The following LRRN2 variants were observed in gnomAD, a reference collection of about 807,000 sequenced individuals.
LRRN2 encodes leucine-rich repeat neuronal protein 2.
A neutral mutation model predicts 35.7 loss-of-function variants in LRRN2; 10 were observed. The observed-to-expected ratio is 0.28, with a 90% CI of 0.17 to 0.47. The LOEUF is 0.47. LRRN2 is among the 20% of genes least tolerant of loss of function. The pLI is 0.99. For synonymous variants in LRRN2, 391 were observed against 409.6 expected, an observed-to-expected ratio of 0.95 and a Z score of 0.55; for missense variants, 731 against 940.3, an observed-to-expected ratio of 0.78 and a Z score of 2.91.
intron 1 of LRRN2, among the ~76,000 whole-genome samples, chr1:204,658,559 G>C (rs1668407240): frequency 6.6e-6 from 1 of 152,178 alleles, no homozygotes; most frequent in Non-Finnish European, 1.5e-5. Flanking sequence ...CTAGGGTAAA[G>C]CAGGGACAGA....
intron 1 of LRRN2, among the ~76,000 whole-genome samples, chr1:204,682,121 T>C (rs1571690414): frequency 6.6e-6 from 1 of 152,326 alleles, no homozygotes; most frequent in South Asian, 2.1e-4. Context: ...GTGACATTTA[T>C]TCATTAGATG....
intron 1 of LRRN2, among the ~76,000 whole-genome samples, chr1:204,642,453 C>G (rs1205178942): frequency 2.0e-5 from 3 of 152,220 alleles, no homozygotes; most frequent in African/African-American, 7.2e-5. Context: ...TGACCCCAGG[C>G]AGCCTGCCTC....
intron 1 of LRRN2, among the ~76,000 whole-genome samples, chr1:204,654,842 T>C (rs112398100): frequency 3.7e-4 from 57 of 152,302 alleles, no homozygotes; most frequent in African/African-American, 1.4e-3. Context: ...AAATTGGCTG[T>C]GATGGAAATA....
chr1:204,669,265 G>C (rs554688317), intron 1 of LRRN2, among the ~76,000 whole-genome samples: 135 of 152,344 alleles, frequency 8.9e-4, no homozygotes, highest in Admixed American at 2.3e-3. Context: ...AAGGGAGCAG[G>C]AGTATGGTCT....
At position 204,619,524 on chromosome 1, in the gene LRRN2, C is replaced by T. The variant is rs200125756; in HGVS notation, c.469G>A (p.Ala157Thr). Residue 157 changes from alanine (A) to threonine (T), a missense_variant, in exon 2 of 2, where the codon GCC (alanine) becomes ACC (threonine). By Grantham distance (58) the Ala-to-Thr change is moderately conservative. Transcript: ENST00000367177. ...YLNHNQLYRI[A>T]PRAFSGLSNL... is the part of the protein sequence containing the mutation. ...CTGAGGCCAGAAAAGGCCCTGGGGG[C>T]GATGCGGTAGAGCTGGTTGTGGTTG... 6.9e-5 allele frequency: 112 copies of T among 1,614,196 alleles called. No individual in the cohort carries two copies. The highest frequency in any genetic ancestry group is 6.4e-4 in the South Asian group (58 of 91,082).
chr1:204,625,499 A>G (rs1383350413), intron 1 of LRRN2, among the ~76,000 whole-genome samples: 3 of 145,650 alleles, frequency 2.1e-5, no homozygotes, highest in African/African-American at 7.3e-5. Context: ...GGGAGAATAC[A>G]TAAATGTCCC....
intron 1 of LRRN2, among the ~76,000 whole-genome samples, chr1:204,630,160 C>G (rs1034780021): frequency 6.6e-6 from 1 of 152,188 alleles, no homozygotes; most frequent in Non-Finnish European, 1.5e-5. Flanking sequence ...GCAAGCTGCT[C>G]GAGCACGGGG....
chr1:204,625,951 G>A (rs1199125080), intron 1 of LRRN2, among the ~76,000 whole-genome samples: 2 of 152,232 alleles, frequency 1.3e-5, no homozygotes, highest in African/African-American at 4.8e-5. Flanking sequence ...GCCTGGGAGT[G>A]CCATGCTGCC....
In LRRN2 at chr1:204,618,186, C is replaced by T; in HGVS notation, c.1807G>A (p.Asp603Asn). The T allele has an allele frequency of 6.2e-7, 1 of 1,614,164 alleles. No homozygotes were observed. The highest frequency in any genetic ancestry group is 8.5e-7 in the Non-Finnish European group (1 of 1,180,026). ...YWACLQVAFA[D>N]AHTQLACVWA... ...ACACAAGCCAACTGGGTGTGGGCAT[C>T]AGCAAAGGCCACTTGCAGGCAGGCC... Residue 603 changes from aspartate to asparagine, a missense_variant, in exon 2 of 2, where the codon GAT becomes AAT. Asp to Asn is a conservative substitution (Grantham distance 23). Coordinates refer to ENST00000367177, the MANE Select transcript of LRRN2 (RefSeq NM_201630.2).
At chr1:204,640,947 T>C (rs1467105694) in intron 1 of LRRN2, among the ~76,000 whole-genome samples, 1 of 151,412 alleles carries the variant, frequency 6.6e-6, no homozygotes, top group East Asian at 1.9e-4. Flanking sequence ...AGAGAGTTAA[T>C]GTGGATCTAA....
chr1:204,628,670 A>C (rs1480026419), intron 1 of LRRN2: 2 of 151,780 alleles, frequency 1.3e-5, no homozygotes, highest in African/African-American at 2.4e-5. Flanking sequence ...TGCAGGTGAC[A>C]CTCCTTCCTA....
chr1:204,666,689 G>A (rs142930479), intron 1 of LRRN2, among the ~76,000 whole-genome samples: 221 of 152,266 alleles, frequency 1.5e-3, no homozygotes, highest in African/African-American at 5.0e-3. Flanking sequence ...CACTGGGCGC[G>A]GTGGCTCATG....
At chr1:204,632,434 C>T (rs151054969) in intron 1 of LRRN2, among the ~76,000 whole-genome samples, 166 of 149,924 alleles carry the variant, frequency 1.1e-3, no homozygotes, top group African/African-American at 3.9e-3. Context: ...AGTTTGAGAC[C>T]AGCCTGGCAA....
At chr1:204,637,493 G>A (rs995904050) in intron 1 of LRRN2, among the ~76,000 whole-genome samples, 3 of 152,206 alleles carry the variant, frequency 2.0e-5, no homozygotes, top group African/African-American at 7.2e-5. Flanking sequence ...GCCAAGGGCT[G>A]TGCCTGGAGT....
At chr1:204,631,880 G>A (rs529409979) in intron 1 of LRRN2, among the ~76,000 whole-genome samples, 2 of 152,194 alleles carry the variant, frequency 1.3e-5, no homozygotes, top group Non-Finnish European at 2.9e-5. Flanking sequence ...GCCAGAGGCA[G>A]AATGGTCTGG....
intron 1 of LRRN2, among the ~76,000 whole-genome samples, chr1:204,641,884 T>G (rs1667985592): frequency 6.6e-6 from 1 of 152,166 alleles, no homozygotes; most frequent in African/African-American, 2.4e-5. Flanking sequence ...TTTCTCCCAG[T>G]GAGGTAAGAA....
intron 1 of LRRN2, chr1:204,664,409 A>T (rs1475513842): frequency 6.6e-6 from 1 of 152,468 alleles, no homozygotes; most frequent in Non-Finnish European, 1.5e-5. Context: ...TGACCTCCTG[A>T]GGCCGACGGA....
intron 1 of LRRN2, among the ~76,000 whole-genome samples, chr1:204,658,688 G>A (rs193226346): frequency 6.6e-6 from 1 of 152,284 alleles, no homozygotes. Flanking sequence ...TTTTATAGCA[G>A]GAATCTGCCC....
chr1:204,638,402 CTTTTTTTT>C (rs971289134), intron 1 of LRRN2, among the ~76,000 whole-genome samples: 11 of 71,676 alleles, frequency 1.5e-4, no homozygotes, highest in East Asian at 8.3e-4. Context: ...CAAGGTCTTC[CTTTTTTTT>C]TTTTTTTTTT....
Sources: allele counts gnomAD v4.1 joint callset (sites outside exome capture counted in the v4.1 genomes callset), GRCh38; gene constraint gnomAD v4.1.1; transcripts MANE v1.5; gene names NCBI Gene and HGNC (gene_info 2026-07-23, HGNC 2026-07-21).